NEBL: variants seen among roughly 807,000 people sequenced by gnomAD.
The protein encoded by NEBL is nebulette.
A neutral mutation model predicts 140.2 loss-of-function variants in NEBL; 122 were observed. The observed-to-expected ratio is 0.87, with a 90% CI of 0.75 to 1.01. The LOEUF (loss-of-function observed/expected upper bound fraction) is 1.01. Among genes scored for constraint, NEBL ranks in the 50% least tolerant of loss-of-function variants. The pLI, the probability that NEBL is intolerant of heterozygous loss-of-function variation, is 0.00. For synonymous variants in NEBL, 436 were observed against 398.9 expected (o/e 1.09, Z -1.11); for missense variants, 1,365 against 1,231.3 (o/e 1.11, Z -1.62).
At chr10:20,841,192 C>CTTTA (rs1387660672) in intron 12 of NEBL, among the ~76,000 whole-genome samples, 1 of 151,898 alleles carries the variant, frequency 6.6e-6, no homozygotes, top group Non-Finnish European at 1.5e-5. Context: ...TTTGAAAGTT[C>CTTTA]TATAAAACAT....
In NEBL at chr10:21,272,111, T is replaced by C. The variant is rs888317059; in HGVS notation, n.183-20283A>G. Among the ~76,000 whole-genome samples, 18 of 143,944 alleles carry C rather than the reference T, an allele frequency of 1.3e-4. No individual in the cohort carries two copies. In the East Asian group the frequency reaches 1.8e-3, roughly 14 times the overall value. The allele number at this position is 143,944 out of a possible 152,430, so 94.4% of individuals were successfully genotyped here. A position where few individuals can be genotyped will look rare whatever the true frequency, so the allele number is the denominator to read the frequency against. On this transcript the variant is annotated intron_variant and non_coding_transcript_variant, in intron 1 of 8. Coordinates refer to the NEBL transcript ENST00000675702. ...GGTCTACAGGCACCCGCCACCACAC[T>C]TGGTTAATTTTTTTTTTTTTTTTTT...
chr10:21,058,025 A>G (rs148420869), intron 2 of NEBL, among the ~76,000 whole-genome samples: 356 of 152,328 alleles, frequency 2.3e-3, no homozygotes, highest in Non-Finnish European at 4.0e-3. Context: ...ATCACTTTGA[A>G]AACAGGGCAA....
upstream of NEBL, among the ~76,000 whole-genome samples, chr10:21,177,409 T>C (rs974138963): frequency 6.6e-6 from 1 of 152,204 alleles, no homozygotes; most frequent in Admixed American, 6.5e-5. Flanking sequence ...GGGATTGTTT[T>C]GTTACTGCAG....
rs906028506 is a variant in NEBL, at chr10:20,862,900, G to C, written c.685-3074C>G. On this transcript the variant is annotated intron_variant, in intron 7 of 27. Transcript: ENST00000377122. ...TTTTTTTTATTTTTAATCTCTGTGG[G>C]TACACAGTAGGTGTATGTATTATAT... Among the ~76,000 whole-genome samples the C allele has an allele frequency of 5.9e-5, 9 of 151,770 alleles. No homozygotes were observed. The South Asian group carries it at 1.9e-3, about 32-fold the overall frequency.
At chr10:21,240,947 A>ACACACAC (rs1341595507) in intron 3 of NEBL, among the ~76,000 whole-genome samples, 1 of 121,196 alleles carries the variant, frequency 8.3e-6, no homozygotes, top group Admixed American at 8.0e-5. Context: ...CACACACACA[A>ACACACAC]AACCAGTATC....
intron 2 of NEBL, among the ~76,000 whole-genome samples, chr10:21,141,060 C>CAA (rs35937796): frequency 0.04 from 4,755 of 119,964 alleles, 266 homozygotes; most frequent in East Asian, 0.15. Flanking sequence ...AGGTATTCGA[C>CAA]AAAAAAAAAA....
chr10:20,855,019 T>G (rs1169816875), intron 9 of NEBL, among the ~76,000 whole-genome samples: 1 of 151,946 alleles, frequency 6.6e-6, no homozygotes, highest in East Asian at 1.9e-4. Context: ...GGTCAAGAGA[T>G]CTAGACCATC....
At chr10:20,947,114 T>A (rs924641507) in intron 4 of NEBL, among the ~76,000 whole-genome samples, 15 of 152,230 alleles carry the variant, frequency 9.9e-5, no homozygotes, top group African/African-American at 3.6e-4. Flanking sequence ...CTTTTTTGAA[T>A]ACACCTTGAA....
rs1290835558 is a variant in NEBL at position 20,785,016 on chromosome 10, G to A, written c.*731C>T. 6.5e-6 allele frequency: 1 copy of A among 152,724 alleles called. No individual in the cohort carries two copies. 9.5% of individuals were successfully genotyped at this position (152,724 alleles called of 1,614,324 possible). A position where few individuals can be genotyped will look rare whatever the true frequency, so the allele number is the denominator to read the frequency against. ...ATGCTACTAGGGAAATTATATCAAT[G>A]ACATTATAATTTGCCCTTTGCAGAG... On this transcript the variant is annotated 3_prime_UTR_variant, in exon 28 of 28. Coordinates refer to ENST00000377122, the MANE Select transcript of NEBL (RefSeq NM_006393.3).
intron 2 of NEBL, among the ~76,000 whole-genome samples, chr10:21,060,646 A>C (rs1835231112): frequency 6.6e-6 from 1 of 150,864 alleles, no homozygotes; most frequent in Non-Finnish European, 1.5e-5. Flanking sequence ...GCCACCTCCC[A>C]TTTTTCTCTT....
intron 3 of NEBL, chr10:21,247,876 T>C (rs2132270105): frequency 4.4e-6 from 1 of 225,026 alleles, no homozygotes; most frequent in African/African-American, 2.3e-5. Context: ...TTAGAAGAGA[T>C]AAACGCTGAA....
At chr10:20,975,846 T>G (rs1482735515) in intron 3 of NEBL, among the ~76,000 whole-genome samples, 7 of 152,142 alleles carry the variant, frequency 4.6e-5, no homozygotes, top group African/African-American at 4.8e-5. Context: ...ATATGTGGGC[T>G]GTAAAGAGAT....
intron 3 of NEBL, among the ~76,000 whole-genome samples, chr10:21,189,799 C>A (rs982743609): frequency 3.9e-5 from 6 of 152,100 alleles, no homozygotes; most frequent in African/African-American, 1.4e-4. Context: ...ACCACATTTA[C>A]GGTAATCTGT....
intron 2 of NEBL, among the ~76,000 whole-genome samples, chr10:21,121,380 A>G (rs975959192): frequency 6.6e-6 from 1 of 152,060 alleles, no homozygotes; most frequent in African/African-American, 2.4e-5. Context: ...CCTACCAAAA[A>G]TGTTGGTAAA....
At chr10:21,068,141 T>C (rs760002566) in intron 2 of NEBL, among the ~76,000 whole-genome samples, 11 of 152,218 alleles carry the variant, frequency 7.2e-5, no homozygotes, top group Non-Finnish European at 1.5e-4. Context: ...TTCTACACTT[T>C]ACATTTTTTC....
chr10:20,878,954 C>T (rs1336526542), intron 5 of NEBL, among the ~76,000 whole-genome samples: 2 of 152,218 alleles, frequency 1.3e-5, no homozygotes, highest in East Asian at 1.9e-4. Context: ...TTGGAAAGAG[C>T]CTCCCGGGGA....
rs539469252 is a variant in NEBL, at chr10:21,239,792, G to A, written n.348+8129C>T. ...CAGCACTTTGGAGGTTGAGGTGGGCGGATTACAAGGTCAGGAGATCAAGAC... is the reference window on the plus strand; with the variant it reads ...CAGCACTTTGGAGGTTGAGGTGGGCAGATTACAAGGTCAGGAGATCAAGAC... On this transcript the variant is annotated intron_variant and non_coding_transcript_variant, in intron 3 of 8. Coordinates refer to the NEBL transcript ENST00000675702. Among the ~76,000 whole-genome samples, 11 of 152,138 alleles carry A rather than the reference G, an allele frequency of 7.2e-5. No individual in the cohort carries two copies. The East Asian group carries it at 7.8e-4, about 11-fold the overall frequency.
At chr10:21,240,779 C>G (rs1475707263) in intron 3 of NEBL, among the ~76,000 whole-genome samples, 1 of 151,666 alleles carries the variant, frequency 6.6e-6, no homozygotes, top group Non-Finnish European at 1.5e-5. Context: ...TAGTTTTTTT[C>G]TGGGTTAGGA....
At chr10:20,793,534 T>A (rs115800293) in intron 26 of NEBL, among the ~76,000 whole-genome samples, 4 of 151,156 alleles carry the variant, frequency 2.6e-5, no homozygotes, top group Admixed American at 1.3e-4. Flanking sequence ...CATAATGGTG[T>A]CTTATTTTTC....
Sources: gnomAD v4.1 joint callset for allele counts (sites outside exome capture counted in the v4.1 genomes callset) on GRCh38, gnomAD v4.1.1 for gene constraint, MANE v1.5 for transcripts, NCBI Gene and HGNC (gene_info 2026-07-23, HGNC 2026-07-21) for gene names.